LRRC3B: variants seen among roughly 807,000 people sequenced by gnomAD.
LRRC3B encodes leucine rich repeat containing 3B.
Under a neutral mutation model 12.8 loss-of-function variants are expected in LRRC3B, and 2 were observed. That is an observed-to-expected ratio of 0.16 (90% CI 0.06 to 0.49). The LOEUF is 0.49. Ranked by LOEUF, LRRC3B falls within the 20% of genes least tolerant of loss-of-function variation. The pLI, the probability that LRRC3B is intolerant of heterozygous loss-of-function variation, is 0.96. For synonymous variants in LRRC3B, 132 were observed against 122.0 expected (o/e 1.08, Z -0.54); for missense variants, 189 against 319.4 (o/e 0.59, Z 3.11).
At chr3:26,685,875 C>T (rs796359564) in intron 1 of LRRC3B, among the ~76,000 whole-genome samples, 7 of 152,086 alleles carry the variant, frequency 4.6e-5, no homozygotes, top group African/African-American at 1.7e-4. Flanking sequence ...CCATCAATAG[C>T]TTAGTCCAGT....
chr3:26,624,787 CT>C (rs1232556596), intron 1 of LRRC3B: 3 of 152,332 alleles, frequency 2.0e-5, no homozygotes, highest in Non-Finnish European at 4.4e-5. Context: ...CTTCTTGTGG[CT>C]CCAGATGCTC....
At chr3:26,675,986 G>T (rs1295318894) in intron 1 of LRRC3B, among the ~76,000 whole-genome samples, 13 of 143,726 alleles carry the variant, frequency 9.0e-5, no homozygotes, top group Non-Finnish European at 1.4e-4. Flanking sequence ...TTTTTTAATG[G>T]TTTCCCAATC....
intron 1 of LRRC3B, among the ~76,000 whole-genome samples, chr3:26,641,475 T>C (rs1170879717): frequency 6.6e-6 from 1 of 152,198 alleles, no homozygotes; most frequent in African/African-American, 2.4e-5. Context: ...ACTTTTTTCA[T>C]GGCCAACCTC....
At chr3:26,633,961 CAATTAAAACATGGTAGAACTAATTA>C (rs1329428044) in intron 1 of LRRC3B, among the ~76,000 whole-genome samples, 5 of 152,044 alleles carry the variant, frequency 3.3e-5, no homozygotes, top group Non-Finnish European at 7.4e-5. Context: ...AGAACTAATT[CAATTAAAACATGGTAGAACTAATTA>C]AATTAAAAAC....
At chr3:26,672,991 T>C (rs141623221) in intron 1 of LRRC3B, among the ~76,000 whole-genome samples, 20 of 152,344 alleles carry the variant, frequency 1.3e-4, no homozygotes, top group Non-Finnish European at 2.9e-4. Flanking sequence ...GTTTATTTAT[T>C]GTCCAAAAAT....
intron 1 of LRRC3B, among the ~76,000 whole-genome samples, chr3:26,665,364 C>T (rs996222482): frequency 3.9e-5 from 6 of 152,240 alleles, no homozygotes; most frequent in African/African-American, 1.2e-4. Context: ...TTCTTCCTAT[C>T]GTCTTTGTTT....
chr3:26,659,559 C>A (rs894573064), intron 1 of LRRC3B, among the ~76,000 whole-genome samples: 1 of 152,112 alleles, frequency 6.6e-6, no homozygotes, highest in Non-Finnish European at 1.5e-5. Flanking sequence ...ATTTGATTAC[C>A]ATGGAGATAA....
At chr3:26,640,697 G>C (rs1430525772) in intron 1 of LRRC3B, among the ~76,000 whole-genome samples, 1 of 152,210 alleles carries the variant, frequency 6.6e-6, no homozygotes, top group Non-Finnish European at 1.5e-5. Context: ...AGGAGGAAGA[G>C]AGACCTGTGG....
intron 1 of LRRC3B, among the ~76,000 whole-genome samples, chr3:26,628,939 G>C (rs1698691599): frequency 6.6e-6 from 1 of 151,534 alleles, no homozygotes; most frequent in Non-Finnish European, 1.5e-5. Context: ...GAAATTTACA[G>C]TTTCATTTGA....
At chr3:26,649,460 C>G (rs1382309467) in intron 1 of LRRC3B, among the ~76,000 whole-genome samples, 1 of 122,412 alleles carries the variant, frequency 8.2e-6, no homozygotes, top group Non-Finnish European at 1.9e-5. Context: ...TAGATCCCAA[C>G]TGTGTGACTC....
chr3:26,654,164 G>T (rs181343822), intron 1 of LRRC3B, among the ~76,000 whole-genome samples: 23 of 152,282 alleles, frequency 1.5e-4, no homozygotes, highest in African/African-American at 5.5e-4. Flanking sequence ...AGACCAGGAT[G>T]GACCTAAAAA....
At chr3:26,644,997 TA>T (rs576241280) in intron 1 of LRRC3B, among the ~76,000 whole-genome samples, 3 of 152,162 alleles carry the variant, frequency 2.0e-5, no homozygotes, top group Middle Eastern at 3.4e-3. Context: ...CAGACATACA[TA>T]CATATATGCA....
Position 26,671,354 on chromosome 3 carries a change from A to ATATATATATATG in LRRC3B, c.-160-38148_-160-38147insGTATATATATAT, listed in dbSNP as rs1553603724. ...AATGTGTGTGTATATATGTGTGTAT[A>ATATATATATATG]TATATATATATATATATATAGAGAG... On this transcript the variant is annotated intron_variant, in intron 1 of 1. Transcript: ENST00000396641. Among the ~76,000 whole-genome samples, 15 of 52,510 alleles carry ATATATATATATG rather than the reference A, an allele frequency of 2.9e-4. 1 individual carries two copies. The highest frequency in any genetic ancestry group is 1.3e-3 in the African/African-American group (15 of 11,950). 34.4% of individuals were successfully genotyped at this position (52,510 alleles called of 152,430 possible).
intron 1 of LRRC3B, among the ~76,000 whole-genome samples, chr3:26,643,891 C>A (rs919898949): frequency 6.6e-6 from 1 of 152,086 alleles, no homozygotes; most frequent in African/African-American, 2.4e-5. Flanking sequence ...TCTTGAGAAG[C>A]CTTTTCTTAC....
At position 26,636,982 on chromosome 3, in the gene LRRC3B, CTCTT is replaced by C. The variant is rs1170700527; in HGVS notation, c.-161+13749_-161+13752del. Among the ~76,000 whole-genome samples, 387 of 120,982 alleles carry C rather than the reference CTCTT, an allele frequency of 3.2e-3. 4 individuals carry two copies. The highest frequency in any genetic ancestry group is 7.6e-3 in the East Asian group (21 of 2,750). 79.4% of individuals were successfully genotyped at this position (120,982 alleles called of 152,430 possible). ...TCTTTCTTTCTTTCTTTCTCTCTCT[CTCTT>C]TCTCTCTTTCTCTCTTTCTTTCTTT... On this transcript the variant is annotated intron_variant, in intron 1 of 1. Transcript: ENST00000396641.
chr3:26,671,373 T>TATATAG (rs1261897533), intron 1 of LRRC3B, among the ~76,000 whole-genome samples: 29 of 28,254 alleles, frequency 1.0e-3, no homozygotes, highest in South Asian at 2.2e-3. Context: ...TATATATATA[T>TATATAG]AGAGAGAGAG....
chr3:26,629,875 G>A (rs896106298), intron 1 of LRRC3B, among the ~76,000 whole-genome samples: 1 of 150,944 alleles, frequency 6.6e-6, no homozygotes, highest in Non-Finnish European at 1.5e-5. Flanking sequence ...TGTGTGGCCA[G>A]CCAAGTCAGG....
At chr3:26,671,350 G>GTATGTATATATATATA (rs1553603719) in intron 1 of LRRC3B, among the ~76,000 whole-genome samples, 3 of 56,746 alleles carry the variant, frequency 5.3e-5, no homozygotes, top group Non-Finnish European at 8.9e-5. Context: ...ATATATGTGT[G>GTATGTATATATATATA]TATATATATA....
intron 1 of LRRC3B, among the ~76,000 whole-genome samples, chr3:26,626,936 A>G (rs1698639898): frequency 6.6e-6 from 1 of 152,166 alleles, no homozygotes. Context: ...TTTTCCTATC[A>G]CAGGAAACAT....
Sources: gnomAD v4.1 joint callset for allele counts (sites outside exome capture counted in the v4.1 genomes callset) on GRCh38, gnomAD v4.1.1 for gene constraint, MANE v1.5 for transcripts, NCBI Gene and HGNC (gene_info 2026-07-23, HGNC 2026-07-21) for gene names.